The following DENND6A variants were observed in gnomAD, a reference collection of about 807,000 sequenced individuals.
The protein encoded by DENND6A is protein DENND6A.
Under a neutral mutation model 95.5 loss-of-function variants are expected in DENND6A, and 43 were observed. That is an observed-to-expected ratio of 0.45 (90% CI 0.35 to 0.58). The LOEUF (loss-of-function observed/expected upper bound fraction) is 0.58, where lower values mean the gene tolerates loss of function less well. DENND6A is among the 20% of genes least tolerant of loss of function. The pLI, the probability that DENND6A is intolerant of heterozygous loss-of-function variation, is 0.00. For missense variants in DENND6A, 574 were observed against 736.0 expected, an observed-to-expected ratio of 0.78 and a Z score of 2.55; for synonymous variants, 257 against 260.4, an observed-to-expected ratio of 0.99 and a Z score of 0.13.
At chr3:57,649,389 C>T (rs1428049995) in intron 9 of DENND6A, among the ~76,000 whole-genome samples, 2 of 152,018 alleles carry the variant, frequency 1.3e-5, no homozygotes, top group African/African-American at 2.4e-5. Flanking sequence ...AAAGGGAATA[C>T]TTTTACACTG....
intron 9 of DENND6A, among the ~76,000 whole-genome samples, chr3:57,649,075 C>T (rs2071138611): frequency 6.6e-6 from 1 of 152,110 alleles, no homozygotes; most frequent in Admixed American, 6.6e-5. Context: ...ACAGACAACT[C>T]ACAGAATAGG....
Position 57,663,330 on chromosome 3 carries a change from G to A in DENND6A, c.513+306C>T, listed in dbSNP as rs1041421327. On this transcript the variant is annotated intron_variant, in intron 5 of 19. Coordinates refer to ENST00000311128, the MANE Select transcript of DENND6A (RefSeq NM_152678.3). ...AAATACAAAAAATTAGCCAGGCGTC[G>A]GGCGGGCACCTGTAATCCCAGCTAC... 3.3e-5 allele frequency among the ~76,000 whole-genome samples: 5 copies of A among 149,720 alleles called. No individual in the cohort carries two copies. The East Asian group carries it at 5.9e-4, about 18-fold the overall frequency.
intron 1 of DENND6A, among the ~76,000 whole-genome samples, chr3:57,677,338 T>A (rs2071727696): frequency 6.6e-6 from 1 of 151,878 alleles, no homozygotes; most frequent in African/African-American, 2.4e-5. Flanking sequence ...GTGCCTTGAG[T>A]CAGGCTTACC....
At chr3:57,679,363 A>C in intron 1 of DENND6A, 1 of 350,208 alleles carries the variant, frequency 2.9e-6, no homozygotes, top group Non-Finnish European at 4.0e-6. Context: ...TTTCTTTTTC[A>C]TTGTTGTTGT....
chr3:57,690,379 C>T (rs1262732948), intron 1 of DENND6A, among the ~76,000 whole-genome samples: 1 of 152,048 alleles, frequency 6.6e-6, no homozygotes, highest in Non-Finnish European at 1.5e-5. Flanking sequence ...GTGCGGGTGC[C>T]TGTAGTCCCA....
At chr3:57,632,303 C>T (rs921591990) in intron 15 of DENND6A, among the ~76,000 whole-genome samples, 7 of 151,628 alleles carry the variant, frequency 4.6e-5, no homozygotes, top group Non-Finnish European at 8.8e-5. Flanking sequence ...GGATTACAGA[C>T]GTGAGCCACC....
At chr3:57,663,534 G>T in intron 5 of DENND6A, 102 bp downstream of exon 5, 14 of 479,170 alleles carry the variant, frequency 2.9e-5, no homozygotes, top group East Asian at 1.0e-4. Flanking sequence ...CATGTTTAAA[G>T]ATAAAATACC....
intron 1 of DENND6A, among the ~76,000 whole-genome samples, chr3:57,687,940 AAAAG>A (rs1288769483): frequency 1.3e-5 from 2 of 151,382 alleles, no homozygotes; most frequent in Non-Finnish European, 3.0e-5. Flanking sequence ...AAAAAAAAAA[AAAAG>A]AAAAGAACAT....
At position 57,645,674 on chromosome 3, in the gene DENND6A, G is replaced by A. The variant is rs138748140; in HGVS notation, c.1024C>T (p.Arg342Cys). ...ATTTTTACTTACGGAGCTTGGGTAC[G>A]GGTAGTATATTCTTTGAATTCACTA... ...HDSEFKEYTTRTQAPPSVILG... is the reference protein window; with the variant it reads ...HDSEFKEYTTCTQAPPSVILG... Residue 342 changes from arginine (R) to cysteine (C), a missense_variant, in exon 11 of 20, where the codon CGT becomes TGT. By Grantham distance (180) the Arg-to-Cys change is radical (BLOSUM62 -3). This residue lies in a region of DENND6A where 452 missense variants were observed against 630.9 expected (regional missense o/e 0.72). Transcript: ENST00000311128. 1,354 of 1,611,496 alleles carry A rather than the reference G, an allele frequency of 8.4e-4. 2 individuals are homozygous for A. The highest frequency in any genetic ancestry group is 1.2e-3 in the Middle Eastern group (7 of 6,016).
chr3:57,636,436 G>A (rs766134514), intron 12 of DENND6A, among the ~76,000 whole-genome samples: 4 of 152,028 alleles, frequency 2.6e-5, no homozygotes, highest in Non-Finnish European at 5.9e-5. Context: ...GGCAATACAG[G>A]AACAAAACAG....
Position 57,660,854 on chromosome 3 carries a change from A to G in DENND6A, c.620-15T>C. On this transcript the variant is annotated splice_polypyrimidine_tract_variant and intron_variant, in intron 6 of 19. Transcript: ENST00000311128. ...ATCATTACAAGCTGAAAAATATAAT[A>G]AAATATTTTCTTAGAATAAGTGAAA... 6.4e-7 allele frequency: 1 copy of G among 1,565,836 alleles called. No individual in the cohort carries two copies.
chr3:57,679,942 G>A (rs2077148184), intron 1 of DENND6A, among the ~76,000 whole-genome samples: 1 of 152,170 alleles, frequency 6.6e-6, no homozygotes, highest in South Asian at 2.1e-4. Flanking sequence ...ACAGGGTGCT[G>A]AGCAGGATTA....
Position 57,634,711 on chromosome 3 carries a change from G to T in DENND6A, c.1191C>A (p.Ser397=). 1 of 1,557,778 alleles carries T rather than the reference G, an allele frequency of 6.4e-7. No individual in the cohort carries two copies. Among genetic ancestry groups the T allele is most frequent in the South Asian group, 1.2e-5 (1 of 80,208 alleles). ...KKLKNLKTLD[S]KPGVYTSYKP... The stretch of plus-strand genomic sequence containing the variant: ...ATCAATAAAAGTCAATACCAGGTTT[G>T]GAATCCAGAGTCTTTAGATTCTTCA... The change falls in exon 13 of 20, where the codon TCC becomes TCA. Residue 397 remains serine, a synonymous_variant. Coordinates refer to ENST00000311128, the MANE Select transcript of DENND6A (RefSeq NM_152678.3).
intron 1 of DENND6A, among the ~76,000 whole-genome samples, chr3:57,681,460 C>A (rs9878134): frequency 0.21 from 31,488 of 150,352 alleles, 4,105 homozygotes; most frequent in African/African-American, 0.37. Flanking sequence ...CAAGACTCTG[C>A]CTCAAAAAAA....
At position 57,692,773 on chromosome 3, in the gene DENND6A, G is replaced by T; in HGVS notation, c.237+9C>A. 1 of 1,487,328 alleles carries T rather than the reference G, an allele frequency of 6.7e-7. No homozygotes were observed. 92.1% of individuals were successfully genotyped at this position (1,487,328 alleles called of 1,614,324 possible). ...AGGAGCGCCGAGAAAGGGCGGGGCC[G>T]GGCCTCACCTCCACGGCCTGGCCCA... is the stretch of plus-strand genomic sequence containing the variant. On this transcript the variant is annotated intron_variant, in intron 1 of 19. Transcript: ENST00000311128.
intron 9 of DENND6A, among the ~76,000 whole-genome samples, chr3:57,653,801 T>C (rs1231863168): frequency 6.8e-6 from 1 of 147,918 alleles, no homozygotes; most frequent in East Asian, 2.0e-4. Context: ...ATAGGATTAC[T>C]GAAATGAAGG....
chr3:57,656,004 T>G (rs148602322), intron 9 of DENND6A, among the ~76,000 whole-genome samples: 48 of 152,344 alleles, frequency 3.2e-4, no homozygotes, highest in African/African-American at 1.1e-3. Flanking sequence ...CCTGTAATAT[T>G]TATTCATTTT....
chr3:57,663,864 C>T (rs925866748), intron 4 of DENND6A, 148 bp from the exon 5 acceptor site: 17 of 421,810 alleles, frequency 4.0e-5, no homozygotes, highest in African/African-American at 1.4e-4. Flanking sequence ...GAGCTAGTTA[C>T]GCTTTTCCAG....
intron 9 of DENND6A, among the ~76,000 whole-genome samples, chr3:57,655,783 T>C (rs1195048258): frequency 1.3e-5 from 2 of 152,206 alleles, no homozygotes; most frequent in East Asian, 3.8e-4. Flanking sequence ...CTTCTGATTC[T>C]GACCATTTCA....
Sources: allele counts gnomAD v4.1 joint callset (sites outside exome capture counted in the v4.1 genomes callset), GRCh38; gene constraint gnomAD v4.1.1; regional missense constraint gnomAD v4.1.1; transcripts MANE v1.5; gene names NCBI Gene and HGNC (gene_info 2026-07-23, HGNC 2026-07-21).